ZCWPW2: variants seen among roughly 807,000 people sequenced by gnomAD.
The protein encoded by ZCWPW2 is zinc finger CW-type and PWWP domain containing 2, also known as zinc finger CW-type PWWP domain protein 2.
ZCWPW2 carries 45 observed loss-of-function variants against 46.6 expected under a neutral mutation model. The ratio of observed to expected loss-of-function variants is 0.96; its 90% CI spans 0.76 to 1.24. ZCWPW2 has a LOEUF of 1.24. Ranked by LOEUF, ZCWPW2 falls within the 50% of genes most tolerant of loss-of-function variation. The probability of loss-of-function intolerance (pLI) is 0.00; values close to 1 mark genes in which losing one functional copy is unlikely to be tolerated. For synonymous variants in ZCWPW2, 152 were observed against 137.1 expected (o/e 1.11, Z -0.76); for missense variants, 429 against 403.9 (o/e 1.06, Z -0.53).
chr3:28,394,422 T>C (rs1473604683), intron 2 of ZCWPW2, among the ~76,000 whole-genome samples: 2 of 152,094 alleles, frequency 1.3e-5, no homozygotes, highest in African/African-American at 4.8e-5. Flanking sequence ...AGTAAAATCC[T>C]AAAACTCCTT....
At chr3:28,391,389 A>T (rs1021312072) in intron 2 of ZCWPW2, among the ~76,000 whole-genome samples, 3 of 151,820 alleles carry the variant, frequency 2.0e-5, no homozygotes, top group Non-Finnish European at 2.9e-5. Flanking sequence ...GCACACACAC[A>T]CACACACACA....
chr3:28,492,137 A>C lies in ZCWPW2; in HGVS notation c.621A>C (p.Glu207Asp). The part of the protein sequence containing the change: ...CCLSKLQDKS[E>D]THDKVAALVK... ...TTCATTGTCTTACAGATAAATCCGA[A>C]ACACATGACAAAGTTGCTGCACTGG... The change falls in exon 6 of 10, where the codon GAA becomes GAC. Residue 207 changes from glutamate to aspartate, a missense_variant. Transcript: ENST00000383768. 1 of 1,610,030 alleles carries C rather than the reference A, an allele frequency of 6.2e-7. No homozygotes were observed. Among genetic ancestry groups the C allele is most frequent in the Non-Finnish European group, 8.5e-7 (1 of 1,178,282 alleles).
intron 9 of ZCWPW2, among the ~76,000 whole-genome samples, chr3:28,522,578 T>C (rs1449762733): frequency 6.6e-6 from 1 of 152,204 alleles, no homozygotes; most frequent in East Asian, 1.9e-4. Context: ...TGTCCTTTAT[T>C]GAGTTAGAAA....
intron 5 of ZCWPW2, among the ~76,000 whole-genome samples, chr3:28,491,557 G>A (rs1407311566): frequency 6.6e-6 from 1 of 151,894 alleles, no homozygotes; most frequent in Non-Finnish European, 1.5e-5. Flanking sequence ...CAGCTCAGTG[G>A]TCCCAAATGG....
intron 1 of ZCWPW2, among the ~76,000 whole-genome samples, chr3:28,349,726 A>G (rs1233243229): frequency 6.6e-6 from 1 of 152,124 alleles, no homozygotes; most frequent in Admixed American, 6.6e-5. Flanking sequence ...TGGTTAAATA[A>G]ACAAATAAAC....
Position 28,355,367 on chromosome 3 carries a change from G to A in ZCWPW2, c.-134+6164G>A, listed in dbSNP as rs148239343. On this transcript the variant is annotated intron_variant, in intron 1 of 9. Coordinates refer to ENST00000383768, the MANE Select transcript of ZCWPW2 (RefSeq NM_001040432.4). ...ATAAAAGAGGACGCAAATAAATGGA[G>A]GAACATTCCATGCTCATGGATAGGA... 3.1e-3 allele frequency among the ~76,000 whole-genome samples: 470 copies of A among 152,252 alleles called. 2 individuals are homozygous for A. The highest frequency in any genetic ancestry group is 9.0e-3 in the African/African-American group (375 of 41,540).
At chr3:28,502,837 C>T (rs1222163425) in intron 6 of ZCWPW2, among the ~76,000 whole-genome samples, 1 of 151,918 alleles carries the variant, frequency 6.6e-6, no homozygotes. Flanking sequence ...GTGCAGTGAG[C>T]GGTTTGTCTG....
intron 6 of ZCWPW2, among the ~76,000 whole-genome samples, chr3:28,502,476 G>T (rs561009396): frequency 6.6e-6 from 1 of 152,200 alleles, no homozygotes; most frequent in African/African-American, 2.4e-5. Context: ...CAGCCAAACT[G>T]CCTACTTGTG....
intron 1 of ZCWPW2, among the ~76,000 whole-genome samples, chr3:28,351,230 G>C (rs962613127): frequency 5.3e-4 from 79 of 149,630 alleles, no homozygotes; most frequent in African/African-American, 1.9e-3. Context: ...CTGTCTACAT[G>C]TTGTCGCTCA....
chr3:28,455,542 C>G (rs1014489648), intron 4 of ZCWPW2, among the ~76,000 whole-genome samples: 13 of 151,242 alleles, frequency 8.6e-5, no homozygotes, highest in African/African-American at 3.2e-4. Flanking sequence ...TGACTTTTGT[C>G]ATGAAATCTT....
chr3:28,442,551 C>A (rs559170525), intron 4 of ZCWPW2, among the ~76,000 whole-genome samples: 3 of 152,128 alleles, frequency 2.0e-5, no homozygotes, highest in Non-Finnish European at 4.4e-5. Context: ...CCTTGAGGTG[C>A]GACAGTAAAA....
At chr3:28,499,065 G>T (rs1700075359) in intron 6 of ZCWPW2, among the ~76,000 whole-genome samples, 1 of 152,102 alleles carries the variant, frequency 6.6e-6, no homozygotes, top group South Asian at 2.1e-4. Flanking sequence ...CATTTGGATT[G>T]GTTGCAAGTC....
At chr3:28,354,418 A>G (rs1351145970) in intron 1 of ZCWPW2, among the ~76,000 whole-genome samples, 2 of 141,642 alleles carry the variant, frequency 1.4e-5, no homozygotes, top group Non-Finnish European at 3.2e-5. Flanking sequence ...AAATTCTACC[A>G]GAGGTACAAA....
intron 4 of ZCWPW2, among the ~76,000 whole-genome samples, chr3:28,476,413 G>C (rs1699240397): frequency 6.6e-6 from 1 of 152,134 alleles, no homozygotes; most frequent in African/African-American, 2.4e-5. Flanking sequence ...CTACTGATAA[G>C]TTCAAAGACT....
intron 1 of ZCWPW2, among the ~76,000 whole-genome samples, chr3:28,372,097 T>C (rs1418378631): frequency 2.0e-5 from 3 of 151,978 alleles, no homozygotes; most frequent in Non-Finnish European, 4.4e-5. Context: ...TGTAATAATA[T>C]GGGCTTAATC....
At chr3:28,483,610 C>T (rs1432886347) in intron 5 of ZCWPW2, among the ~76,000 whole-genome samples, 4 of 152,110 alleles carry the variant, frequency 2.6e-5, no homozygotes. Context: ...GTCTTCTTAT[C>T]CATGAATGTG....
intron 1 of ZCWPW2, among the ~76,000 whole-genome samples, chr3:28,366,494 C>T (rs1291546074): frequency 8.0e-6 from 1 of 125,628 alleles, no homozygotes; most frequent in Non-Finnish European, 1.6e-5. Context: ...GGATGAAGCC[C>T]ACTTGATCAT....
At chr3:28,516,162 C>T (rs1700562723) in intron 8 of ZCWPW2, among the ~76,000 whole-genome samples, 1 of 151,710 alleles carries the variant, frequency 6.6e-6, no homozygotes, top group Non-Finnish European at 1.5e-5. Flanking sequence ...ATCACTTGAG[C>T]CTGGGAGGCG....
At chr3:28,438,870 A>G (rs1436436323) in intron 4 of ZCWPW2, among the ~76,000 whole-genome samples, 4 of 152,080 alleles carry the variant, frequency 2.6e-5, no homozygotes, top group African/African-American at 4.8e-5. Context: ...ATTTAGGAAC[A>G]GAAAAGTACA....
Sources: allele counts gnomAD v4.1 joint callset (sites outside exome capture counted in the v4.1 genomes callset), GRCh38; gene constraint gnomAD v4.1.1; transcripts MANE v1.5; gene names NCBI Gene and HGNC (gene_info 2026-07-23, HGNC 2026-07-21).